Variants in ALMS1 observed in about 807,000 individuals in gnomAD.
ALMS1 encodes ALMS1 centrosome and basal body associated protein.
A neutral mutation model predicts 352.2 loss-of-function variants in ALMS1; 271 were observed. That is an observed-to-expected ratio of 0.77 (90% confidence interval 0.70 to 0.85). The LOEUF (loss-of-function observed/expected upper bound fraction) is 0.85, where lower values mean the gene tolerates loss of function less well. ALMS1 is among the 40% of genes least tolerant of loss of function. The probability of loss-of-function intolerance (pLI) is 0.00; values close to 1 mark genes in which losing one functional copy is unlikely to be tolerated. For synonymous variants in ALMS1, 1,865 were observed against 1,761.2 expected, an observed-to-expected ratio of 1.06 and a Z score of -1.48; for missense variants, 5,445 against 4,870.7, an observed-to-expected ratio of 1.12 and a Z score of -3.51.
rs780909821 is a variant in ALMS1 at position 73,453,155 on chromosome 2, A to G, written c.6628A>G (p.Asn2210Asp). 17 of 1,614,072 alleles carry G rather than the reference A, an allele frequency of 1.1e-5. No homozygotes were observed. The South Asian group carries it at 1.9e-4, about 18-fold the overall frequency. Residue 2210 changes from asparagine to aspartate, a missense_variant, in exon 8 of 23, where the codon AAT becomes GAT. Asn to Asp is a conservative substitution (Grantham distance 23). Transcript: ENST00000613296. The part of the protein sequence containing the change: ...EHVQRLIDNL[N>D]SSDSSVSSNN... ...TGTCCAAAGGCTAATAGATAATTTG[A>G]ATTCTTCTGACTCCAGTGTTAGCTC...
intron 10 of ALMS1, among the ~76,000 whole-genome samples, chr2:73,509,138 G>A (rs1209089832): frequency 1.3e-5 from 2 of 151,880 alleles, no homozygotes; most frequent in African/African-American, 2.4e-5. Context: ...GAGCCTATGT[G>A]TGTCTTTGCA....
chr2:73,460,757 G>A (rs922379845), intron 9 of ALMS1, among the ~76,000 whole-genome samples: 2 of 152,200 alleles, frequency 1.3e-5, no homozygotes, highest in Non-Finnish European at 2.9e-5. Flanking sequence ...GCGCTTTTCC[G>A]ACGGGCTTAA....
intron 11 of ALMS1, 123 bp downstream of exon 11, chr2:73,520,139 A>G (rs1572991727): frequency 8.0e-6 from 10 of 1,248,182 alleles, no homozygotes; most frequent in East Asian, 7.0e-5. Flanking sequence ...TAGGGTCCAT[A>G]TGATTATATC....
At chr2:73,560,574 G>A (rs1480710248) in intron 15 of ALMS1, among the ~76,000 whole-genome samples, 1 of 151,992 alleles carries the variant, frequency 6.6e-6, no homozygotes, top group Non-Finnish European at 1.5e-5. Context: ...TTCAAAACAG[G>A]ACTTCAAAAA....
intron 1 of ALMS1, among the ~76,000 whole-genome samples, chr2:73,404,938 G>C (rs1009759090): frequency 2.3e-5 from 2 of 88,014 alleles, no homozygotes; most frequent in Non-Finnish European, 3.9e-5. Context: ...TTGAGACAGG[G>C]TCTTACTTTG....
chr2:73,395,768 C>A (rs1670747475), intron 1 of ALMS1, among the ~76,000 whole-genome samples: 1 of 152,000 alleles, frequency 6.6e-6, no homozygotes, highest in South Asian at 2.1e-4. Flanking sequence ...AATCTGGATG[C>A]CTTTTATGTA....
At chr2:73,601,557 C>T in intron 19 of ALMS1, 121 bp downstream of exon 19, 2 of 1,455,658 alleles carry the variant, frequency 1.4e-6, no homozygotes, top group Non-Finnish European at 1.9e-6. Flanking sequence ...TTTTCCAGCA[C>T]CTCCGCAGTT....
intron 16 of ALMS1, among the ~76,000 whole-genome samples, chr2:73,598,538 T>C (rs949832702): frequency 6.6e-6 from 1 of 152,230 alleles, no homozygotes; most frequent in Admixed American, 6.5e-5. Flanking sequence ...CTCTGGAATA[T>C]GGTTTATCTA....
At position 73,558,957 on chromosome 2, in the gene ALMS1, A is replaced by G. The variant is rs373014567; in HGVS notation, c.10214-15A>G. The G allele has an allele frequency of 6.2e-7, 1 of 1,613,592 alleles. No individual in the cohort carries two copies. The highest frequency in any genetic ancestry group is 8.5e-7 in the Non-Finnish European group (1 of 1,179,828). Reference sequence around the variant, plus strand: ...AAGTTCCTGTCTGTATAGTGTGTTAATTTCCCTTTCGTAGATTCCAGTGCT... The same window carrying G: ...AAGTTCCTGTCTGTATAGTGTGTTAGTTTCCCTTTCGTAGATTCCAGTGCT... On this transcript the variant is annotated splice_polypyrimidine_tract_variant and intron_variant, in intron 14 of 22. Coordinates refer to ENST00000613296, the MANE Select transcript of ALMS1 (RefSeq NM_001378454.1).
chr2:73,424,876 C>G lies in ALMS1; in HGVS notation c.1211C>G (p.Ser404Cys), dbSNP rs1433147517. ...CAGTATTGGACACAGGAAGATTCAT[C>G]TAAGCAGGCAGAAACATATTTAACC... ...YGQYWTQEDS[S>C]KQAETYLTKG... is the part of the protein sequence containing the mutation. Residue 404 changes from serine to cysteine, a missense_variant, in exon 5 of 23, where the codon TCT (serine) becomes TGT (cysteine). Physicochemically the swap from Ser to Cys is moderately radical, Grantham distance 112 (BLOSUM62 -1). Transcript: ENST00000613296. 5.6e-6 allele frequency: 9 copies of G among 1,603,668 alleles called. No homozygotes were observed. Among genetic ancestry groups the G allele is most frequent in the Non-Finnish European group, 7.7e-6 (9 of 1,174,330 alleles).
At chr2:73,543,154 G>A in intron 12 of ALMS1, among the ~76,000 whole-genome samples, 1 of 152,124 alleles carries the variant, frequency 6.6e-6, no homozygotes, top group East Asian at 1.9e-4. Context: ...CATGGTACTG[G>A]TACCAAAACA....
intron 11 of ALMS1, among the ~76,000 whole-genome samples, chr2:73,528,823 A>T: frequency 6.6e-6 from 1 of 151,190 alleles, no homozygotes; most frequent in African/African-American, 2.4e-5. Flanking sequence ...GTCTTCTCTG[A>T]CTGTATTTTC....
intron 16 of ALMS1, among the ~76,000 whole-genome samples, chr2:73,588,859 A>C (rs920276043): frequency 6.6e-6 from 1 of 152,208 alleles, no homozygotes; most frequent in African/African-American, 2.4e-5. Flanking sequence ...TGGAGTTCAT[A>C]TCAGACTTTA....
At chr2:73,556,745 C>G (rs1674553260) in intron 13 of ALMS1, among the ~76,000 whole-genome samples, 1 of 151,684 alleles carries the variant, frequency 6.6e-6, no homozygotes, top group Non-Finnish European at 1.5e-5. Flanking sequence ...CACTGTCGCC[C>G]CGGCTGGAGT....
intron 12 of ALMS1, among the ~76,000 whole-genome samples, chr2:73,549,211 A>G (rs773890956): frequency 3.3e-5 from 5 of 152,340 alleles, no homozygotes; most frequent in South Asian, 2.1e-4. Context: ...CATGGATTAT[A>G]GATTAATTTA....
At chr2:73,393,716 G>C (rs1454777179) in intron 1 of ALMS1, among the ~76,000 whole-genome samples, 1 of 151,932 alleles carries the variant, frequency 6.6e-6, no homozygotes, top group Admixed American at 6.5e-5. Context: ...ATTGGTCTTA[G>C]TACCCTTGTA....
intron 7 of ALMS1, among the ~76,000 whole-genome samples, chr2:73,439,192 C>T (rs1671667212): frequency 6.7e-6 from 1 of 150,028 alleles, no homozygotes; most frequent in Non-Finnish European, 1.5e-5. Context: ...GATCATAGCT[C>T]CACAGCCTTG....
intron 12 of ALMS1, among the ~76,000 whole-genome samples, chr2:73,542,318 A>G (rs1389585293): frequency 6.6e-6 from 1 of 152,070 alleles, no homozygotes; most frequent in Non-Finnish European, 1.5e-5. Context: ...AAATTCAACA[A>G]CCCTTCATGC....
At chr2:73,491,882 CCT>C (rs138363568) in intron 10 of ALMS1, among the ~76,000 whole-genome samples, 7 of 150,878 alleles carry the variant, frequency 4.6e-5, no homozygotes, top group Admixed American at 6.6e-5. Flanking sequence ...TCCCGCTCTC[CCT>C]CTCTCTCTCT....
Sources: gnomAD v4.1 joint callset for allele counts (sites outside exome capture counted in the v4.1 genomes callset) on GRCh38, gnomAD v4.1.1 for gene constraint, MANE v1.5 for transcripts, NCBI Gene and HGNC (gene_info 2026-07-23, HGNC 2026-07-21) for gene names.